Variants in ADRA1A observed in about 807,000 individuals in gnomAD.
ADRA1A encodes the protein adrenoceptor alpha 1A.
A neutral mutation model predicts 29.6 loss-of-function variants in ADRA1A; 31 were observed. The ratio of observed to expected loss-of-function variants is 1.05; its 90% CI spans 0.79 to 1.41. The LOEUF is 1.41. Ranked by LOEUF, ADRA1A falls within the 40% of genes most tolerant of loss-of-function variation. The pLI is 0.00. For missense variants in ADRA1A, 619 were observed against 601.1 expected (o/e 1.03, Z -0.31); for synonymous variants, 311 against 254.3 (o/e 1.22, Z -2.12).
chr8:26,769,430 C>G lies in ADRA1A; in HGVS notation c.*719G>C. ...TCTATTGTTTTCTCTTGGGAAAAGCCATACCACCCTGGTTGGTTCTTTCAA... is the reference window on the plus strand; with the variant it reads ...TCTATTGTTTTCTCTTGGGAAAAGCGATACCACCCTGGTTGGTTCTTTCAA... On this transcript the variant is annotated 3_prime_UTR_variant, in exon 3 of 3. Transcript: ENST00000380573. The G allele has an allele frequency of 2.0e-6, 2 of 985,396 alleles. No homozygotes were observed. The highest frequency in any genetic ancestry group is 2.4e-6 in the Non-Finnish European group (2 of 829,936). 61.0% of individuals were successfully genotyped at this position (985,396 alleles called of 1,614,324 possible). A position where few individuals can be genotyped will look rare whatever the true frequency, so the allele number is the denominator to read the frequency against.
downstream of ADRA1A, among the ~76,000 whole-genome samples, chr8:26,762,540 G>C (rs1333007602): frequency 2.0e-5 from 3 of 152,132 alleles, no homozygotes; most frequent in Non-Finnish European, 2.9e-5. This position sits in a 1 kb window ranked among gnomAD's most constrained non-coding sequence, Gnocchi z 4.0. Flanking sequence ...ACCCACCCCA[G>C]CTTCTTTCAC....
intron 2 of ADRA1A, among the ~76,000 whole-genome samples, chr8:26,808,337 C>G (rs1251439099): frequency 6.6e-6 from 1 of 152,072 alleles, no homozygotes; most frequent in Non-Finnish European, 1.5e-5. Flanking sequence ...GTGTAGTATT[C>G]CATTGTATGT....
At chr8:26,824,525 A>G (rs1407559704) in intron 2 of ADRA1A, among the ~76,000 whole-genome samples, 1 of 152,132 alleles carries the variant, frequency 6.6e-6, no homozygotes, top group East Asian at 1.9e-4. Context: ...AGCTTAATAG[A>G]AGAGAAAATT....
intron 2 of ADRA1A, chr8:26,757,010 G>A: frequency 5.6e-6 from 4 of 718,722 alleles, no homozygotes; most frequent in Non-Finnish European, 1.0e-5. Flanking sequence ...CCTGTGAGAT[G>A]ATGCTTTTGG....
intron 2 of ADRA1A, among the ~76,000 whole-genome samples, chr8:26,819,866 A>C (rs1015113681): frequency 6.6e-5 from 10 of 152,218 alleles, no homozygotes; most frequent in Non-Finnish European, 2.9e-5. Context: ...AGAAAAGACT[A>C]ACTTTAGCTT....
chr8:26,763,485 G>A (rs1262114749), downstream of ADRA1A, among the ~76,000 whole-genome samples: 1 of 152,186 alleles, frequency 6.6e-6, no homozygotes, highest in Non-Finnish European at 1.5e-5. The surrounding 1 kb of genome is among the most constrained non-coding windows in gnomAD (Gnocchi z 4.5). Context: ...TGACAGCAGT[G>A]GGGGTGGCGG....
intron 2 of ADRA1A, 124 bp from the exon 3 acceptor site, chr8:26,770,790 G>A (rs554758379): frequency 1.4e-4 from 195 of 1,359,944 alleles, no homozygotes; most frequent in African/African-American, 1.3e-3. Flanking sequence ...AAACACATAT[G>A]AGTTTCTCAC....
rs1176480293 is a variant in ADRA1A at position 26,865,132 on chromosome 8, C to T, written c.-163G>A. 4.7e-5 allele frequency: 68 copies of T among 1,451,620 alleles called. No individual in the cohort carries two copies. The highest frequency in any genetic ancestry group is 6.0e-5 in the Non-Finnish European group (67 of 1,109,922). The allele number at this position is 1,451,620 out of a possible 1,614,324, so 89.9% of individuals were successfully genotyped here. A position where few individuals can be genotyped will look rare whatever the true frequency, so the allele number is the denominator to read the frequency against. ...GAGCGCGCGCGCGGGTGGGAAACAA[C>T]CCTGGCCAGCCCTGGGAACCCTCAG... On this transcript the variant is annotated 5_prime_UTR_variant, in exon 2 of 3. Transcript: ENST00000380573. This position sits in a 1 kb window ranked among gnomAD's most constrained non-coding sequence, Gnocchi z 7.6.
downstream of ADRA1A, among the ~76,000 whole-genome samples, chr8:26,754,513 G>T (rs1410462852): frequency 2.0e-5 from 3 of 152,104 alleles, no homozygotes; most frequent in Admixed American, 6.6e-5. Flanking sequence ...AATTGTTAAA[G>T]GTTACAGAAA....
At chr8:26,830,990 C>G (rs1450677205) in intron 2 of ADRA1A, among the ~76,000 whole-genome samples, 1 of 152,084 alleles carries the variant, frequency 6.6e-6, no homozygotes, top group African/African-American at 2.4e-5. Context: ...GTAGAAGTGT[C>G]TTTGTTCTCA....
chr8:26,811,168 G>A (rs1024917230), intron 2 of ADRA1A, among the ~76,000 whole-genome samples: 5 of 152,032 alleles, frequency 3.3e-5, no homozygotes, highest in African/African-American at 1.2e-4. Flanking sequence ...GTCCATTTGG[G>A]TCTCACTGTC....
intron 2 of ADRA1A, among the ~76,000 whole-genome samples, chr8:26,771,259 G>C (rs1369492519): frequency 6.6e-6 from 1 of 152,044 alleles, no homozygotes; most frequent in Non-Finnish European, 1.5e-5. Context: ...GTCACCGTTA[G>C]CTCCCTTTGT....
At chr8:26,795,296 A>T (rs1808116410) in intron 2 of ADRA1A, among the ~76,000 whole-genome samples, 1 of 152,162 alleles carries the variant, frequency 6.6e-6, no homozygotes. Context: ...GAGACTCGAT[A>T]AGCATTCACA....
At chr8:26,768,751 A>C (rs1021053388), downstream of ADRA1A, 3 of 345,232 alleles carry the variant, frequency 8.7e-6, no homozygotes, top group Non-Finnish European at 1.2e-5. Flanking sequence ...ATTTGAAAAA[A>C]TCTGTAATCT....
In ADRA1A at chr8:26,770,323, C is replaced by T; in HGVS notation, c.1227G>A (p.Arg409=). 6.2e-7 allele frequency: 1 copy of T among 1,614,190 alleles called. No homozygotes were observed. Among genetic ancestry groups the T allele is most frequent in the Non-Finnish European group, 8.5e-7 (1 of 1,180,034 alleles). Residue 409 remains arginine (R), a synonymous_variant, in exon 3 of 3, where the codon AGG becomes AGA. Coordinates refer to ENST00000380573, the MANE Select transcript of ADRA1A (RefSeq NM_000680.4). Reference sequence around the variant, plus strand: ...AGGATTGGTCTTTGGACACTGTAATCCTGGCAGATCCACGGGGCATGGAAG... The same window carrying T: ...AGGATTGGTCTTTGGACACTGTAATTCTGGCAGATCCACGGGGCATGGAAG... ...FFSSMPRGSA[R]ITVSKDQSSC...
rs1416585731 is a variant in ADRA1A at position 26,865,165 on chromosome 8, C to T, written c.-196G>A. 2.8e-6 allele frequency: 4 copies of T among 1,426,752 alleles called. No individual in the cohort carries two copies. Among genetic ancestry groups the T allele is most frequent in the Non-Finnish European group, 2.7e-6 (3 of 1,095,090 alleles). 88.4% of individuals were successfully genotyped at this position (1,426,752 alleles called of 1,614,324 possible). A position where few individuals can be genotyped will look rare whatever the true frequency, so the allele number is the denominator to read the frequency against. ...AGCCCTGGGAACCCTCAGAAGGCCA[C>T]ATGAAGGGGCAGGGCATTAAAGACA... On this transcript the variant is annotated 5_prime_UTR_variant, in exon 2 of 3. The change creates a new upstream start codon in the 5' untranslated region. Transcript: ENST00000380573. The surrounding 1 kb of genome is among the most constrained non-coding windows in gnomAD (Gnocchi z 7.6).
At chr8:26,794,456 C>T (rs1018806386) in intron 2 of ADRA1A, among the ~76,000 whole-genome samples, 1 of 152,016 alleles carries the variant, frequency 6.6e-6, no homozygotes, top group African/African-American at 2.4e-5. Context: ...ATATTTTAGG[C>T]CTTGCTAGCT....
downstream of ADRA1A, among the ~76,000 whole-genome samples, chr8:26,767,348 T>G (rs1348850231): frequency 6.6e-6 from 1 of 151,982 alleles, no homozygotes; most frequent in Non-Finnish European, 1.5e-5. Context: ...TTTTAGATAT[T>G]TTTTGGCATG....
At position 26,784,322 on chromosome 8, in the gene ADRA1A, G is replaced by A. The variant is rs141412068; in HGVS notation, c.884-13656C>T. Among the ~76,000 whole-genome samples, 289 of 152,300 alleles carry A rather than the reference G, an allele frequency of 1.9e-3. 1 individual carries two copies. The highest frequency in any genetic ancestry group is 6.7e-3 in the African/African-American group (279 of 41,560). On this transcript the variant is annotated intron_variant, in intron 2 of 2. Transcript: ENST00000380573. ...AAGAAAAAGTCGTTTCCCGCTGTCGGGATTCCCCTCTGAAATGCTCACCCA... is the reference window on the plus strand; with the variant it reads ...AAGAAAAAGTCGTTTCCCGCTGTCGAGATTCCCCTCTGAAATGCTCACCCA...
Sources: allele counts gnomAD v4.1 joint callset (sites outside exome capture counted in the v4.1 genomes callset), GRCh38; gene constraint gnomAD v4.1.1; non-coding constraint Gnocchi (gnomAD v3.1); transcripts MANE v1.5; gene names NCBI Gene and HGNC (gene_info 2026-07-23, HGNC 2026-07-21).